FAM149B1: variants seen among roughly 807,000 people sequenced by gnomAD.
FAM149B1 encodes the protein primary cilium assembly protein FAM149B1.
A neutral mutation model predicts 75.3 loss-of-function variants in FAM149B1; 56 were observed. The observed-to-expected ratio is 0.74, with a 90% CI of 0.60 to 0.93. The LOEUF is 0.93. Ranked by LOEUF, FAM149B1 falls within the 40% of genes least tolerant of loss-of-function variation. FAM149B1 has a pLI of 0.00. For missense variants in FAM149B1, 639 were observed against 708.4 expected (o/e 0.90, Z 1.11); for synonymous variants, 259 against 256.1 (o/e 1.01, Z -0.11).
chr10:73,240,941 G>A lies in FAM149B1; in HGVS notation c.1676-5G>A, dbSNP rs749224780. ...CTACTAATGTTACTCTATGTCATCTGACAGGTCCTCAGTTACATGGGTCTA... is the reference window on the plus strand; with the variant it reads ...CTACTAATGTTACTCTATGTCATCTAACAGGTCCTCAGTTACATGGGTCTA... On this transcript the variant is annotated splice_polypyrimidine_tract_variant and splice_region_variant and intron_variant, in intron 13 of 13. Coordinates refer to ENST00000242505, the MANE Select transcript of FAM149B1 (RefSeq NM_173348.2). The A allele has an allele frequency of 1.5e-5, 22 of 1,515,992 alleles. No homozygotes were observed. In the South Asian group the frequency reaches 1.8e-4, roughly 12 times the overall value. The allele number at this position is 1,515,992 out of a possible 1,614,324, so 93.9% of individuals were successfully genotyped here.
At chr10:73,192,389 G>A (rs996895418) in intron 3 of FAM149B1, 167 bp from the exon 4 acceptor site, 92 of 637,544 alleles carry the variant, frequency 1.4e-4, no homozygotes, top group Non-Finnish European at 1.9e-4. Flanking sequence ...TGAAAATTCC[G>A]AGATCTGAAA....
intron 3 of FAM149B1, among the ~76,000 whole-genome samples, chr10:73,188,791 AAGGAAGGAAGGAAGGAAG>A (rs2042604533): frequency 6.7e-6 from 1 of 149,758 alleles, no homozygotes; most frequent in African/African-American, 2.5e-5. Flanking sequence ...GGAAGGAAGG[AAGGAAGGAAGGAAGGAAG>A]GAAAGGACAG....
chr10:73,234,929 C>A lies in FAM149B1; in HGVS notation c.1465C>A (p.Gln489Lys). 1 of 1,551,986 alleles carries A rather than the reference C, an allele frequency of 6.4e-7. No homozygotes were observed. The highest frequency in any genetic ancestry group is 8.7e-7 in the Non-Finnish European group (1 of 1,147,072). ...EVEHVSTVGP[Q>K]RQMKPHGDSS... ...GGAACATGTGAGCACTGTGGGGCCA[C>A]AAAGACAGATGGTATGTTTCTTTCA... Residue 489 changes from glutamine (Q) to lysine (K), a missense_variant, in exon 11 of 14, where the codon CAA becomes AAA. Coordinates refer to ENST00000242505, the MANE Select transcript of FAM149B1 (RefSeq NM_173348.2).
At chr10:73,181,109 C>T (rs548529050) in intron 3 of FAM149B1, among the ~76,000 whole-genome samples, 1 of 152,006 alleles carries the variant, frequency 6.6e-6, no homozygotes, top group East Asian at 1.9e-4. Flanking sequence ...CGGGTTCACA[C>T]CATTCTCCTG....
intron 7 of FAM149B1, among the ~76,000 whole-genome samples, chr10:73,214,564 G>A (rs1156773769): frequency 6.6e-6 from 1 of 152,122 alleles, no homozygotes; most frequent in Non-Finnish European, 1.5e-5. Flanking sequence ...ATGATCATTT[G>A]TTTTTTGTCC....
chr10:73,191,116 C>T (rs1210079552), intron 3 of FAM149B1, among the ~76,000 whole-genome samples: 3 of 152,126 alleles, frequency 2.0e-5, no homozygotes, highest in African/African-American at 7.2e-5. Context: ...TCTTGGCTCA[C>T]CACAACCTCC....
intron 5 of FAM149B1, among the ~76,000 whole-genome samples, chr10:73,204,471 C>CA (rs1460044025): frequency 2.2e-4 from 33 of 151,870 alleles, no homozygotes; most frequent in African/African-American, 6.0e-4. Flanking sequence ...ACTTAAGGCA[C>CA]AAAAAAATGT....
intron 1 of FAM149B1, among the ~76,000 whole-genome samples, chr10:73,172,068 T>C (rs528700758): frequency 2.0e-5 from 3 of 149,862 alleles, no homozygotes; most frequent in Non-Finnish European, 4.4e-5. Flanking sequence ...CATAGTGCCA[T>C]TATTAAATTT....
chr10:73,172,150 T>C (rs1843744134), intron 1 of FAM149B1, among the ~76,000 whole-genome samples: 1 of 152,254 alleles, frequency 6.6e-6, no homozygotes, highest in Admixed American at 6.5e-5. Context: ...CTTAAGTCTC[T>C]ATTTCATAGC....
At chr10:73,223,977 G>C (rs935970485) in intron 7 of FAM149B1, among the ~76,000 whole-genome samples, 1 of 152,124 alleles carries the variant, frequency 6.6e-6, no homozygotes, top group Non-Finnish European at 1.5e-5. Context: ...CAATTTACCA[G>C]TGTTGGGCTG....
Position 73,208,602 on chromosome 10 carries a change from C to CT in FAM149B1, c.543-11dup. 1.4e-6 allele frequency: 2 copies of CT among 1,471,452 alleles called. No individual in the cohort carries two copies. The highest frequency in any genetic ancestry group is 1.8e-6 in the Non-Finnish European group (2 of 1,097,104). The allele number at this position is 1,471,452 out of a possible 1,614,324, so 91.1% of individuals were successfully genotyped here. ...ATGTTTACATAATTAATATTTACTT[C>CT]TTTTTTCCACTCCAAGATTTGGTAT... On this transcript the variant is annotated splice_polypyrimidine_tract_variant and intron_variant, in intron 5 of 13. Transcript: ENST00000242505.
At chr10:73,176,904 G>A (rs1293151998) in intron 2 of FAM149B1, among the ~76,000 whole-genome samples, 2 of 152,108 alleles carry the variant, frequency 1.3e-5, no homozygotes, top group Non-Finnish European at 2.9e-5. Context: ...GCGCACACCT[G>A]TAGTCCCAGC....
rs377554696 is a variant in FAM149B1 at position 73,177,908 on chromosome 10, CT to C, written c.219del (p.Pro74GlnfsTer47). On this transcript the variant is annotated frameshift_variant, in exon 3 of 14. Coordinates refer to ENST00000242505, the MANE Select transcript of FAM149B1 (RefSeq NM_173348.2). LOFTEE classifies it high-confidence loss of function. The part of the protein sequence containing the change: ...TSADTGNSLS[A>X]FPSYTGAGIS... ...GCCGACACTGGGAATTCACTGTCTG[CT>C]TTTCCAAGTTATACAGGCGCAGGGA... is the stretch of plus-strand genomic sequence containing the variant. The C allele has an allele frequency of 6.4e-7, 1 of 1,551,652 alleles. No homozygotes were observed. Among genetic ancestry groups the C allele is most frequent in the African/African-American group, 1.4e-5 (1 of 73,154 alleles).
rs1327068654 is a variant in FAM149B1, at chr10:73,234,847, C to G, written c.1383C>G (p.Pro461=). The change falls in exon 11 of 14, where the codon CCC becomes CCG. Residue 461 remains proline (P), a synonymous_variant. Transcript: ENST00000242505. The part of the protein sequence containing the change: ...VPVAPDSLSS[P]SPTPLSRNNL... ...TGGCACCCGACTCGCTCTCCTCTCC[C>G]TCACCGACGCCCCTGAGTCGAAATA... The G allele has an allele frequency of 1.3e-6, 2 of 1,551,694 alleles. No individual in the cohort carries two copies. The highest frequency in any genetic ancestry group is 1.2e-5 in the South Asian group (1 of 84,062).
At chr10:73,175,096 T>C (rs1200138468) in intron 2 of FAM149B1, among the ~76,000 whole-genome samples, 1 of 152,062 alleles carries the variant, frequency 6.6e-6, no homozygotes, top group Non-Finnish European at 1.5e-5. Flanking sequence ...TGGAGCTTGG[T>C]ACTTACAATC....
chr10:73,215,067 C>T (rs1264909782), intron 7 of FAM149B1, among the ~76,000 whole-genome samples: 2 of 152,098 alleles, frequency 1.3e-5, no homozygotes, highest in South Asian at 2.1e-4. Context: ...GGCTGGAGTG[C>T]AGTGGCATGA....
intron 1 of FAM149B1, among the ~76,000 whole-genome samples, chr10:73,171,907 C>A (rs1372138755): frequency 6.6e-6 from 1 of 151,846 alleles, no homozygotes; most frequent in South Asian, 2.1e-4. Context: ...GGATTACAGG[C>A]GTGAGCCACC....
In FAM149B1 at chr10:73,243,179, C is replaced by T. The variant is rs1218956993; in HGVS notation, c.*2160C>T. ...CCCTCCACCCTCCCAAATGTCACCA[C>T]CAAGTTCCTTCAGGTGAGACCTCAC... On this transcript the variant is annotated 3_prime_UTR_variant, in exon 14 of 14. Transcript: ENST00000242505. 3.9e-6 allele frequency: 2 copies of T among 509,070 alleles called. No homozygotes were observed. Among genetic ancestry groups the T allele is most frequent in the South Asian group, 2.2e-5 (1 of 44,964 alleles). The allele number at this position is 509,070 out of a possible 1,614,324, so 31.5% of individuals were successfully genotyped here. A position where few individuals can be genotyped will look rare whatever the true frequency, so the allele number is the denominator to read the frequency against.
intron 5 of FAM149B1, among the ~76,000 whole-genome samples, chr10:73,197,966 A>G (rs571945199): frequency 1.3e-5 from 2 of 152,312 alleles, no homozygotes; most frequent in South Asian, 4.1e-4. Context: ...TAACTATAAT[A>G]TCTAATGAGT....
Sources: gnomAD v4.1 joint callset for allele counts (sites outside exome capture counted in the v4.1 genomes callset) on GRCh38, gnomAD v4.1.1 for gene constraint, MANE v1.5 for transcripts, NCBI Gene and HGNC (gene_info 2026-07-23, HGNC 2026-07-21) for gene names.